The following LRP1B variants were observed in gnomAD, a reference collection of about 807,000 sequenced individuals.
The protein encoded by LRP1B is LDL receptor related protein 1B.
In LRP1B, 217 loss-of-function variants were observed where a neutral mutation model predicts 556.6. The ratio of observed to expected loss-of-function variants is 0.39; its 90% confidence interval spans 0.35 to 0.44. LRP1B has a LOEUF of 0.44. Ranked by LOEUF, LRP1B falls within the 20% of genes least tolerant of loss-of-function variation. LRP1B has a pLI of 1.00. For missense variants in LRP1B, 5,053 were observed against 5,620.8 expected (o/e 0.90, Z 3.23); for synonymous variants, 2,047 against 1,865.8 (o/e 1.10, Z -2.50).
intron 54 of LRP1B, among the ~76,000 whole-genome samples, chr2:140,502,142 T>C (rs1286303575): frequency 6.6e-6 from 1 of 152,056 alleles, no homozygotes; most frequent in African/African-American, 2.4e-5. Context: ...GTAAAATTAA[T>C]GAACTATTTC....
At chr2:141,625,792 CA>C (rs997970584) in intron 2 of LRP1B, among the ~76,000 whole-genome samples, 1 of 152,012 alleles carries the variant, frequency 6.6e-6, no homozygotes. Context: ...CACAGTTTCC[CA>C]GGACTCTTTC....
intron 2 of LRP1B, among the ~76,000 whole-genome samples, chr2:141,486,117 A>C (rs1256576297): frequency 1.3e-5 from 2 of 152,150 alleles, no homozygotes; most frequent in Non-Finnish European, 2.9e-5. Context: ...CCAGTCCTTT[A>C]AATCTAAATG....
At chr2:141,784,765 T>C (rs950233693) in intron 2 of LRP1B, among the ~76,000 whole-genome samples, 11 of 152,126 alleles carry the variant, frequency 7.2e-5, no homozygotes, top group Non-Finnish European at 1.0e-4. Flanking sequence ...TGGTAATTTA[T>C]AATATGTGTA....
chr2:140,408,483 T>G (rs1242426563), intron 66 of LRP1B, among the ~76,000 whole-genome samples: 1 of 151,920 alleles, frequency 6.6e-6, no homozygotes, highest in Admixed American at 6.6e-5. Context: ...TAAGTGGGGA[T>G]TCAGGAGACA....
At chr2:140,323,860 A>G in intron 81 of LRP1B, 33 bp downstream of exon 81, 5 of 1,067,608 alleles carry the variant, frequency 4.7e-6, no homozygotes, top group Non-Finnish European at 6.8e-6. Context: ...ATAATTTACC[A>G]ATATAGACAA....
At chr2:140,348,466 C>T (rs1023533047) in intron 77 of LRP1B, among the ~76,000 whole-genome samples, 1 of 151,914 alleles carries the variant, frequency 6.6e-6, no homozygotes, top group Non-Finnish European at 1.5e-5. Flanking sequence ...ATGATGGACT[C>T]CTTAGTAGAA....
chr2:141,528,585 T>C (rs1030704483), intron 2 of LRP1B, among the ~76,000 whole-genome samples: 6 of 152,136 alleles, frequency 3.9e-5, no homozygotes, highest in Admixed American at 3.3e-4. Context: ...TATACACATA[T>C]ATAGTACACA....
At chr2:140,275,420 G>A (rs760134202) in intron 84 of LRP1B, among the ~76,000 whole-genome samples, 17 of 151,832 alleles carry the variant, frequency 1.1e-4, no homozygotes, top group Non-Finnish European at 2.5e-4. Context: ...TTGTAATGAC[G>A]GTCTCAATCA....
At chr2:141,766,273 T>A (rs1694729689) in intron 2 of LRP1B, among the ~76,000 whole-genome samples, 1 of 152,096 alleles carries the variant, frequency 6.6e-6, no homozygotes, top group Non-Finnish European at 1.5e-5. Flanking sequence ...TGAAATTGAT[T>A]GTACAAATTT....
chr2:141,250,298 T>C (rs1684214097), intron 4 of LRP1B, among the ~76,000 whole-genome samples: 1 of 152,114 alleles, frequency 6.6e-6, no homozygotes. Flanking sequence ...GGGCTGGTCA[T>C]GAAAATACCA....
At chr2:140,934,037 C>T (rs1405570468) in intron 20 of LRP1B, among the ~76,000 whole-genome samples, 1 of 151,640 alleles carries the variant, frequency 6.6e-6, no homozygotes, top group Admixed American at 6.6e-5. Context: ...GTATTATATT[C>T]TAAGGAAAAT....
chr2:140,959,110 A>G (rs1695960962), intron 18 of LRP1B, among the ~76,000 whole-genome samples: 2 of 147,762 alleles, frequency 1.4e-5, no homozygotes, highest in African/African-American at 2.5e-5. Flanking sequence ...GTTTTGGTGG[A>G]ATGGTTTAAG....
intron 6 of LRP1B, among the ~76,000 whole-genome samples, chr2:141,224,584 A>G (rs556095004): frequency 2.0e-5 from 3 of 152,310 alleles, no homozygotes; most frequent in East Asian, 1.9e-4. Context: ...ATGCCCATCA[A>G]TGGTAGACTG....
At chr2:140,364,636 T>C in intron 72 of LRP1B, 25 bp downstream of exon 72, 1 of 1,607,294 alleles carries the variant, frequency 6.2e-7, no homozygotes, top group Non-Finnish European at 8.5e-7. Flanking sequence ...AAAAGTATAA[T>C]CTAGAGCCAC....
At chr2:140,617,410 C>A (rs1192676466) in intron 41 of LRP1B, among the ~76,000 whole-genome samples, 2 of 151,858 alleles carry the variant, frequency 1.3e-5, no homozygotes, top group South Asian at 2.1e-4. Flanking sequence ...TAAAATAGAT[C>A]TATTATGGAA....
At chr2:140,277,417 C>A (rs985536972) in intron 84 of LRP1B, among the ~76,000 whole-genome samples, 2 of 151,830 alleles carry the variant, frequency 1.3e-5, no homozygotes, top group African/African-American at 2.4e-5. Flanking sequence ...GAAACCCCCT[C>A]TCTACTAAAA....
At position 141,810,313 on chromosome 2, in the gene LRP1B, G is replaced by A. The variant is rs776077190; in HGVS notation, c.171C>T (p.Asp57=). Reference sequence around the variant, plus strand: ...AAGACTCGTCTGAATCATCAGGGCAGTCAGGGTCCCCATCACACAGCCAGC... The same window carrying A: ...AAGACTCGTCTGAATCATCAGGGCAATCAGGGTCCCCATCACACAGCCAGC... ...SQSWLCDGDP[D]CPDDSDESLD... Residue 57 remains aspartate (D), a synonymous_variant, in exon 2 of 91, where the codon GAC becomes GAT. Coordinates refer to ENST00000389484, the MANE Select transcript of LRP1B (RefSeq NM_018557.3). 1.2e-6 allele frequency: 2 copies of A among 1,613,238 alleles called. No individual in the cohort carries two copies. Among genetic ancestry groups the A allele is most frequent in the Non-Finnish European group, 1.7e-6 (2 of 1,179,522 alleles).
intron 2 of LRP1B, among the ~76,000 whole-genome samples, chr2:141,715,584 G>A (rs1409664507): frequency 1.3e-5 from 2 of 152,132 alleles, no homozygotes; most frequent in Non-Finnish European, 2.9e-5. Flanking sequence ...GGAGGCTGAG[G>A]CAGCCGGATC....
chr2:141,466,804 C>A (rs1682219566), intron 3 of LRP1B, among the ~76,000 whole-genome samples: 1 of 151,858 alleles, frequency 6.6e-6, no homozygotes, highest in Non-Finnish European at 1.5e-5. Context: ...GAATGTCTAT[C>A]TATAACCTTT....
Sources: allele counts gnomAD v4.1 joint callset (sites outside exome capture counted in the v4.1 genomes callset), GRCh38; gene constraint gnomAD v4.1.1; transcripts MANE v1.5; gene names NCBI Gene and HGNC (gene_info 2026-07-23, HGNC 2026-07-21).